Variants in AP2B1 observed in about 807,000 individuals in gnomAD.
The protein encoded by AP2B1 is adaptor related protein complex 2 subunit beta 1.
AP2B1 carries 23 observed loss-of-function variants against 102.0 expected under a neutral mutation model. The ratio of observed to expected loss-of-function variants is 0.23; its 90% CI spans 0.16 to 0.32. The LOEUF (loss-of-function observed/expected upper bound fraction) is 0.32. Among genes scored for constraint, AP2B1 ranks in the 10% least tolerant of loss-of-function variants. AP2B1 has a pLI of 1.00. For missense variants in AP2B1, 541 were observed against 1,157.4 expected (o/e 0.47, Z 7.73); for synonymous variants, 381 against 421.2 (o/e 0.90, Z 1.17).
chr17:35,706,990 G>A (rs925150050), intron 18 of AP2B1, among the ~76,000 whole-genome samples: 2 of 151,646 alleles, frequency 1.3e-5, no homozygotes, highest in African/African-American at 4.8e-5. Flanking sequence ...AGAGCCTAGC[G>A]CTGTCTCAAG....
intron 12 of AP2B1, among the ~76,000 whole-genome samples, chr17:35,642,944 A>C (rs1443837891): frequency 6.6e-6 from 1 of 152,060 alleles, no homozygotes; most frequent in Admixed American, 6.6e-5. Context: ...TATTGAATTG[A>C]GCATTCTAAT....
chr17:35,668,752 T>C (rs1159831402), intron 14 of AP2B1, among the ~76,000 whole-genome samples: 5 of 152,162 alleles, frequency 3.3e-5, no homozygotes, highest in African/African-American at 4.8e-5. Context: ...GAAATGGCCT[T>C]CCCCCATTTT....
chr17:35,705,593 C>T (rs1337614721), intron 18 of AP2B1, among the ~76,000 whole-genome samples: 1 of 152,080 alleles, frequency 6.6e-6, no homozygotes, highest in East Asian at 1.9e-4. Context: ...GCAATCTCAG[C>T]TCACTGCAGC....
intron 21 of AP2B1, among the ~76,000 whole-genome samples, chr17:35,720,120 C>T (rs1555592016): frequency 6.6e-6 from 1 of 152,038 alleles, no homozygotes; most frequent in Non-Finnish European, 1.5e-5. Flanking sequence ...ACGGGCTGGG[C>T]ACAGGATGAC....
chr17:35,614,685 T>G (rs899639903), intron 5 of AP2B1, among the ~76,000 whole-genome samples: 1 of 139,738 alleles, frequency 7.2e-6, no homozygotes, highest in African/African-American at 2.7e-5. Flanking sequence ...AAAAAATTTC[T>G]CATTTGTTAA....
Position 35,650,668 on chromosome 17 carries a change from C to A in AP2B1, c.1675C>A (p.Leu559Met). The A allele has an allele frequency of 6.2e-7, 1 of 1,614,198 alleles. No homozygotes were observed. Among genetic ancestry groups the A allele is most frequent in the Non-Finnish European group, 8.5e-7 (1 of 1,180,026 alleles). ...GGAGACGGACCTTATTGAGCCAACT[C>A]TGCTGGATGAGCTAATCTGCCACAT... Reference protein sequence around the residue: ...SEETDLIEPTLLDELICHIGS... With the variant: ...SEETDLIEPTMLDELICHIGS... Residue 559 changes from leucine (L) to methionine (M), a missense_variant, in exon 13 of 22, where the codon CTG (leucine) becomes ATG (methionine). Transcript: ENST00000610402.
At chr17:35,594,730 G>A (rs1044505716) in intron 2 of AP2B1, among the ~76,000 whole-genome samples, 12 of 152,120 alleles carry the variant, frequency 7.9e-5, no homozygotes, top group African/African-American at 2.9e-4. Flanking sequence ...GGTCATAGAC[G>A]GAATTACTTG....
chr17:35,658,341 G>T (rs778886009), intron 14 of AP2B1, among the ~76,000 whole-genome samples: 3 of 146,164 alleles, frequency 2.1e-5, no homozygotes, highest in Non-Finnish European at 4.5e-5. Context: ...TGCTTGATTG[G>T]TTCTTTTTTT....
At chr17:35,721,686 A>G (rs1555593226) in intron 21 of AP2B1, among the ~76,000 whole-genome samples, 1 of 152,176 alleles carries the variant, frequency 6.6e-6, no homozygotes, top group Non-Finnish European at 1.5e-5. Context: ...GGAAGGCAAC[A>G]TTTCCTTACT....
At chr17:35,645,224 AGC>A (rs1418366115) in intron 12 of AP2B1, among the ~76,000 whole-genome samples, 1 of 152,158 alleles carries the variant, frequency 6.6e-6, no homozygotes, top group Non-Finnish European at 1.5e-5. Flanking sequence ...GTGCTGCCGA[AGC>A]GAGCACATGT....
At chr17:35,614,568 ACTGT>A (rs907327124) in intron 5 of AP2B1, among the ~76,000 whole-genome samples, 4 of 145,388 alleles carry the variant, frequency 2.8e-5, no homozygotes, top group East Asian at 2.0e-4. Context: ...CATCTTCCAG[ACTGT>A]CTATCACTCT....
At chr17:35,644,904 C>T (rs1042978469) in intron 12 of AP2B1, among the ~76,000 whole-genome samples, 1 of 151,982 alleles carries the variant, frequency 6.6e-6, no homozygotes, top group Non-Finnish European at 1.5e-5. Context: ...TAGTGGCACA[C>T]GCCTGTAATC....
At chr17:35,688,467 G>A (rs1287174904) in intron 18 of AP2B1, among the ~76,000 whole-genome samples, 1 of 151,926 alleles carries the variant, frequency 6.6e-6, no homozygotes, top group Non-Finnish European at 1.5e-5. Context: ...CATCATGCTG[G>A]GTACTCATTG....
At chr17:35,677,913 G>T in intron 17 of AP2B1, among the ~76,000 whole-genome samples, 1 of 148,700 alleles carries the variant, frequency 6.7e-6, no homozygotes. Flanking sequence ...AGGCTGGAAT[G>T]CAATGGTGTC....
intron 17 of AP2B1, among the ~76,000 whole-genome samples, chr17:35,679,204 G>A (rs569891888): frequency 6.6e-6 from 1 of 152,234 alleles, no homozygotes; most frequent in South Asian, 2.1e-4. Context: ...TTCCTTCTTT[G>A]CTCTGGTGTA....
chr17:35,603,402 C>G (rs1317419631), intron 3 of AP2B1, among the ~76,000 whole-genome samples: 1 of 152,200 alleles, frequency 6.6e-6, no homozygotes, highest in Non-Finnish European at 1.5e-5. Context: ...ATCTGACAAG[C>G]TCAACCCTTC....
chr17:35,657,010 A>G (rs1205945458), intron 13 of AP2B1, among the ~76,000 whole-genome samples: 1 of 152,166 alleles, frequency 6.6e-6, no homozygotes, highest in Non-Finnish European at 1.5e-5. Context: ...CACCACCCCT[A>G]AAGTCAAATT....
chr17:35,636,189 G>A (rs1379474340), intron 9 of AP2B1, 152 bp from the exon 10 acceptor site: 2 of 553,416 alleles, frequency 3.6e-6, no homozygotes, highest in Non-Finnish European at 6.5e-6. Flanking sequence ...ATATAGCTTG[G>A]TATCTAGCCT....
chr17:35,698,710 C>CT (rs1326294541), intron 18 of AP2B1, among the ~76,000 whole-genome samples: 1 of 152,092 alleles, frequency 6.6e-6, no homozygotes, highest in Non-Finnish European at 1.5e-5. Context: ...CCTACTCACC[C>CT]TTTTTCCAAA....
Sources: allele counts gnomAD v4.1 joint callset (sites outside exome capture counted in the v4.1 genomes callset), GRCh38; gene constraint gnomAD v4.1.1; transcripts MANE v1.5; gene names NCBI Gene and HGNC (gene_info 2026-07-23, HGNC 2026-07-21).